Variants in ITGA4 observed in about 807,000 individuals in gnomAD.
ITGA4 encodes integrin alpha-4.
Under a neutral mutation model 133.6 loss-of-function variants are expected in ITGA4, and 63 were observed. The ratio of observed to expected loss-of-function variants is 0.47; its 90% CI spans 0.38 to 0.58. The LOEUF (loss-of-function observed/expected upper bound fraction) is 0.58. Among genes scored for constraint, ITGA4 ranks in the 20% least tolerant of loss-of-function variants. The probability of loss-of-function intolerance (pLI) is 0.00; values close to 1 mark genes in which losing one functional copy is unlikely to be tolerated. For synonymous variants in ITGA4, 483 were observed against 438.0 expected (o/e 1.10, Z -1.28); for missense variants, 1,076 against 1,252.7 (o/e 0.86, Z 2.13).
At chr2:181,481,463 C>A in intron 6 of ITGA4, 135 bp from the exon 7 acceptor site, 1 of 373,464 alleles carries the variant, frequency 2.7e-6, no homozygotes, top group East Asian at 4.2e-5. Context: ...TTGAGTATCT[C>A]TATGCTAAAT....
chr2:181,527,743 A>C (rs536060682), intron 22 of ITGA4, among the ~76,000 whole-genome samples: 2 of 152,308 alleles, frequency 1.3e-5, no homozygotes, highest in Admixed American at 6.5e-5. Flanking sequence ...AAATCAGTGA[A>C]ATTTCTTCTT....
At position 181,485,735 on chromosome 2, in the gene ITGA4, C is replaced by G. The variant is rs541482666; in HGVS notation, c.1042-146C>G. 2.8e-5 allele frequency: 17 copies of G among 611,324 alleles called. No individual in the cohort carries two copies. In the South Asian group the frequency reaches 3.6e-4, roughly 13 times the overall value. 37.9% of individuals were successfully genotyped at this position (611,324 alleles called of 1,614,324 possible). A position where few individuals can be genotyped will look rare whatever the true frequency, so the allele number is the denominator to read the frequency against. Reference sequence around the variant, plus strand: ...CTCAATAAATATTTATTGAATTGAACTGAGATGTGTGTACTAAAGCTCAGT... The same window carrying G: ...CTCAATAAATATTTATTGAATTGAAGTGAGATGTGTGTACTAAAGCTCAGT... On this transcript the variant is annotated intron_variant, in intron 9 of 27. Transcript: ENST00000397033.
intron 24 of ITGA4, 78 bp downstream of exon 24, chr2:181,530,727 T>G: frequency 1.6e-6 from 2 of 1,283,870 alleles, no homozygotes; most frequent in South Asian, 1.3e-5. Flanking sequence ...TCAATGGGTT[T>G]GAGCTGTCAC....
In ITGA4 at chr2:181,495,510, A is replaced by G. The variant is rs1574396331; in HGVS notation, c.1385+94A>G. On this transcript the variant is annotated intron_variant, in intron 13 of 27. Transcript: ENST00000397033. This position sits in a 1 kb window ranked among gnomAD's most constrained non-coding sequence, Gnocchi z 4.3. The stretch of plus-strand genomic sequence containing the variant: ...TAAAATCAGCAGTGGTAGTGACCTC[A>G]TGATGCTCTTTTGGTATTCTGAAGC... The G allele has an allele frequency of 1.1e-6, 1 of 918,802 alleles. No homozygotes were observed. The highest frequency in any genetic ancestry group is 2.4e-5 in the East Asian group (1 of 41,364). 56.9% of individuals were successfully genotyped at this position (918,802 alleles called of 1,614,324 possible).
intron 2 of ITGA4, among the ~76,000 whole-genome samples, chr2:181,463,596 G>A (rs1408684058): frequency 2.0e-5 from 3 of 152,108 alleles, no homozygotes; most frequent in African/African-American, 7.2e-5. Context: ...TTCTAATTTG[G>A]GCTGTGACAT....
chr2:181,461,021 A>G (rs1436993303), intron 2 of ITGA4, among the ~76,000 whole-genome samples: 6 of 151,768 alleles, frequency 4.0e-5, no homozygotes, highest in Non-Finnish European at 1.5e-5. Context: ...TCTCCCACAC[A>G]ATTAAAAATA....
intron 25 of ITGA4, 122 bp from the exon 26 acceptor site, chr2:181,534,150 A>C (rs528085174): frequency 4.9e-6 from 3 of 612,448 alleles, no homozygotes; most frequent in Non-Finnish European, 8.7e-6. Context: ...AGTTAATTTT[A>C]AGTGGTGAAA....
intron 9 of ITGA4, among the ~76,000 whole-genome samples, chr2:181,482,974 C>T (rs1235098520): frequency 6.6e-6 from 1 of 151,982 alleles, no homozygotes; most frequent in African/African-American, 2.4e-5. Flanking sequence ...AATTTTCATA[C>T]CTCCTTCAAA....
chr2:181,508,140 T>G (rs566422509), intron 15 of ITGA4, among the ~76,000 whole-genome samples: 1 of 152,148 alleles, frequency 6.6e-6, no homozygotes, highest in East Asian at 1.9e-4. Context: ...AATGTAAGAA[T>G]TGTCAATCAG....
intron 10 of ITGA4, among the ~76,000 whole-genome samples, chr2:181,489,065 C>T (rs1685985431): frequency 6.6e-6 from 1 of 151,356 alleles, no homozygotes; most frequent in African/African-American, 2.5e-5. Flanking sequence ...TATTACTTTG[C>T]CCCATCTTCT....
Position 181,538,154 on chromosome 2 carries a change from T to TTCTAAAAGAAA in ITGA4, c.*2628_*2629insCTAAAAGAAAT. ...CATTTCTTTATATTAAAATTCTAGT[T>TTCTAAAAGAAA]TGTACATTTCTTTTAGAAACAATTA... is the stretch of plus-strand genomic sequence containing the variant. On this transcript the variant is annotated 3_prime_UTR_variant, in exon 28 of 28. Coordinates refer to ENST00000397033, the MANE Select transcript of ITGA4 (RefSeq NM_000885.6). The TTCTAAAAGAAA allele has an allele frequency of 9.1e-6, 13 of 1,421,206 alleles. No individual in the cohort carries two copies. Among genetic ancestry groups the TTCTAAAAGAAA allele is most frequent in the Non-Finnish European group, 1.2e-5 (12 of 1,009,418 alleles). 88.0% of individuals were successfully genotyped at this position (1,421,206 alleles called of 1,614,324 possible). A position where few individuals can be genotyped will look rare whatever the true frequency, so the allele number is the denominator to read the frequency against.
At chr2:181,502,464 G>A (rs539285954) in intron 15 of ITGA4, among the ~76,000 whole-genome samples, 1 of 152,178 alleles carries the variant, frequency 6.6e-6, no homozygotes, top group East Asian at 1.9e-4. Context: ...AGAAGAGCTG[G>A]AACTAAATTC....
chr2:181,531,879 A>T, intron 25 of ITGA4, 103 bp downstream of exon 25: 1 of 764,064 alleles, frequency 1.3e-6, no homozygotes, highest in East Asian at 3.0e-5. Flanking sequence ...AACAAATTAA[A>T]TTTTAAATAA....
intron 17 of ITGA4, among the ~76,000 whole-genome samples, chr2:181,515,327 G>A (rs1195686923): frequency 6.6e-6 from 1 of 151,948 alleles, no homozygotes; most frequent in Non-Finnish European, 1.5e-5. Flanking sequence ...TGTCTTAAAG[G>A]GTAATAATGC....
chr2:181,457,804 G>A lies in ITGA4; in HGVS notation c.150G>A (p.Thr50=), dbSNP rs546061211. 51 of 1,613,724 alleles carry A rather than the reference G, an allele frequency of 3.2e-5. 1 individual carries two copies. The South Asian group carries it at 5.6e-4, about 18-fold the overall frequency. Residue 50 remains threonine (T), a synonymous_variant, in exon 1 of 28, where the codon ACG becomes ACA. Transcript: ENST00000397033. ...TGCTTTACCAGGGCCCCCACAACAC[G>A]CTGTTCGGCTACTCGGTCGTGCTGC... ...SALLYQGPHN[T]LFGYSVVLHS...
chr2:181,512,654 ATAT>A (rs1338577754), intron 17 of ITGA4, among the ~76,000 whole-genome samples: 2 of 152,052 alleles, frequency 1.3e-5, no homozygotes. Context: ...GGGAGACTTA[ATAT>A]TGTAAAATTT....
At chr2:181,504,686 A>C (rs1297182355) in intron 15 of ITGA4, among the ~76,000 whole-genome samples, 2 of 152,078 alleles carry the variant, frequency 1.3e-5, no homozygotes, top group Admixed American at 6.6e-5. Flanking sequence ...TATCTTTTGC[A>C]TATTTATATT....
At chr2:181,476,334 A>T (rs890854684) in intron 4 of ITGA4, 1 of 152,324 alleles carries the variant, frequency 6.6e-6, no homozygotes, top group African/African-American at 2.4e-5. Context: ...AAATCTCAAG[A>T]TGCCATAAAC....
At chr2:181,465,440 C>T (rs144786240) in intron 2 of ITGA4, among the ~76,000 whole-genome samples, 10 of 152,124 alleles carry the variant, frequency 6.6e-5, no homozygotes, top group African/African-American at 2.2e-4. Flanking sequence ...TTTCAACCAT[C>T]CTACCCTGTG....
Sources: allele counts gnomAD v4.1 joint callset (sites outside exome capture counted in the v4.1 genomes callset), GRCh38; gene constraint gnomAD v4.1.1; non-coding constraint Gnocchi (gnomAD v3.1); transcripts MANE v1.5; gene names NCBI Gene and HGNC (gene_info 2026-07-23, HGNC 2026-07-21).